Variants in EFCAB8 observed in about 807,000 individuals in gnomAD.
EFCAB8 encodes the protein EF-hand calcium-binding domain-containing protein 8.
A neutral mutation model predicts 116.3 loss-of-function variants in EFCAB8; 100 were observed. The ratio of observed to expected loss-of-function variants is 0.86; its 90% confidence interval spans 0.73 to 1.02. The LOEUF (loss-of-function observed/expected upper bound fraction) is 1.02, where lower values mean the gene tolerates loss of function less well. Ranked by LOEUF, EFCAB8 falls within the 50% of genes least tolerant of loss-of-function variation. The pLI, the probability that EFCAB8 is intolerant of heterozygous loss-of-function variation, is 0.00. For synonymous variants in EFCAB8, 558 were observed against 567.9 expected, an observed-to-expected ratio of 0.98 and a Z score of 0.25; for missense variants, 1,320 against 1,416.9, an observed-to-expected ratio of 0.93 and a Z score of 1.10.
intron 23 of EFCAB8, among the ~76,000 whole-genome samples, chr20:32,944,676 T>C (rs992652591): frequency 2.6e-5 from 4 of 152,154 alleles, no homozygotes; most frequent in Non-Finnish European, 5.9e-5. Flanking sequence ...TCCTCTTGTT[T>C]TTATTTATCT....
intron 15 of EFCAB8, among the ~76,000 whole-genome samples, chr20:32,911,222 CT>C (rs1003572752): frequency 2.0e-5 from 3 of 152,144 alleles, no homozygotes; most frequent in African/African-American, 7.2e-5. Context: ...GGATTATTTT[CT>C]TTGGCTAGAT....
intron 23 of EFCAB8, among the ~76,000 whole-genome samples, chr20:32,945,173 T>A (rs1022102928): frequency 3.3e-5 from 5 of 152,004 alleles, no homozygotes; most frequent in East Asian, 1.9e-4. Flanking sequence ...TATTATTATT[T>A]TTTGAGACAG....
At chr20:32,890,952 AC>A (rs752599817) in intron 7 of EFCAB8, among the ~76,000 whole-genome samples, 17 of 152,216 alleles carry the variant, frequency 1.1e-4, no homozygotes, top group Non-Finnish European at 2.5e-4. Context: ...ATTGTGTGAT[AC>A]AGAGAAAGTG....
Position 32,938,996 on chromosome 20 carries a change from C to T in EFCAB8, c.2791-4640C>T, listed in dbSNP as rs1342726063. Among the ~76,000 whole-genome samples the T allele has an allele frequency of 1.7e-5, 2 of 116,848 alleles. 1 individual carries two copies. The highest frequency in any genetic ancestry group is 3.5e-5 in the Non-Finnish European group (2 of 56,558). 76.7% of individuals were successfully genotyped at this position (116,848 alleles called of 152,430 possible). A position where few individuals can be genotyped will look rare whatever the true frequency, so the allele number is the denominator to read the frequency against. On this transcript the variant is annotated intron_variant, in intron 22 of 26. Transcript: ENST00000400522. ...TTTCTTTTCCTTCCCTTCCTTCCTT[C>T]CTTCCCTCCTTCCCTCCTTCCCTCC...
chr20:32,889,274 C>T lies in EFCAB8; in HGVS notation c.568-27C>T, dbSNP rs1216672833. On this transcript the variant is annotated intron_variant, in intron 6 of 26. Coordinates refer to ENST00000400522, the MANE Select transcript of EFCAB8 (RefSeq NM_001143967.2). ...ACTGGCCTGAGTATGCGTCCCAGCC[C>T]ATCTCCTCTGCTCTTCCTCTGGCCA... The T allele has an allele frequency of 4.7e-5, 72 of 1,548,068 alleles. No homozygotes were observed. In the East Asian group the frequency reaches 1.7e-3, roughly 37 times the overall value.
intron 22 of EFCAB8, among the ~76,000 whole-genome samples, chr20:32,942,518 C>G (rs952050399): frequency 1.3e-4 from 20 of 151,212 alleles, no homozygotes; most frequent in African/African-American, 4.6e-4. Context: ...GAGACCCCAT[C>G]TCTAAAAAAA....
At position 32,930,560 on chromosome 20, in the gene EFCAB8, G is replaced by A. The variant is rs776565918; in HGVS notation, c.2575G>A (p.Ala859Thr). The A allele has an allele frequency of 1.9e-6, 3 of 1,552,346 alleles. No individual in the cohort carries two copies. ...DNGDVVVGAM[A>T]TDKNDWILIT... is the part of the protein sequence containing the mutation. ...TGGGGATGTTGTCGTGGGTGCCATG[G>A]CCACTGATAAAAATGACTGGATCCT... The change falls in exon 21 of 27, where the codon GCC (alanine) becomes ACC (threonine). Residue 859 changes from alanine to threonine, a missense_variant. Transcript: ENST00000400522.
chr20:32,869,521 C>A (rs1600362596), intron 3 of EFCAB8, among the ~76,000 whole-genome samples: 2 of 152,194 alleles, frequency 1.3e-5, no homozygotes, highest in Non-Finnish European at 2.9e-5. Context: ...CAGGCGTGAG[C>A]TGCTGTGCCT....
At chr20:32,860,755 G>A (rs1234256909) in intron 1 of EFCAB8, among the ~76,000 whole-genome samples, 1 of 151,250 alleles carries the variant, frequency 6.6e-6, no homozygotes, top group African/African-American at 2.4e-5. Context: ...TTATTTTTTT[G>A]AGACAAGGTC....
At chr20:32,905,942 C>A (rs1007360748) in intron 11 of EFCAB8, among the ~76,000 whole-genome samples, 1 of 151,940 alleles carries the variant, frequency 6.6e-6, no homozygotes, top group Admixed American at 6.6e-5. Flanking sequence ...TGTCCTAAAC[C>A]CCATAACCCC....
At chr20:32,901,001 C>T (rs753964112) in intron 11 of EFCAB8, among the ~76,000 whole-genome samples, 2 of 152,214 alleles carry the variant, frequency 1.3e-5, no homozygotes, top group East Asian at 1.9e-4. Context: ...CGCGCCCGGC[C>T]GTCCAGTGCC....
At chr20:32,923,935 T>G (rs1987566628) in intron 20 of EFCAB8, among the ~76,000 whole-genome samples, 1 of 152,206 alleles carries the variant, frequency 6.6e-6, no homozygotes, top group African/African-American at 2.4e-5. Flanking sequence ...GATATAAAAC[T>G]CTAGGATTAG....
At chr20:32,900,722 A>G (rs957755206) in intron 11 of EFCAB8, among the ~76,000 whole-genome samples, 4 of 152,010 alleles carry the variant, frequency 2.6e-5, no homozygotes, top group African/African-American at 9.7e-5. Flanking sequence ...GTGCGCCACC[A>G]TGCCCGGTTA....
intron 4 of EFCAB8, 31 bp from the exon 5 acceptor site, chr20:32,878,673 C>G: frequency 6.5e-7 from 1 of 1,534,160 alleles, no homozygotes; most frequent in Non-Finnish European, 8.8e-7. Flanking sequence ...TTGCCAATAC[C>G]CTGCCTCCCT....
At chr20:32,893,758 A>C (rs1023807635) in intron 9 of EFCAB8, among the ~76,000 whole-genome samples, 1 of 152,100 alleles carries the variant, frequency 6.6e-6, no homozygotes, top group African/African-American at 2.4e-5. Context: ...GAGCCTGGGC[A>C]TGGCCTGGCT....
chr20:32,874,007 G>A (rs796278707), intron 3 of EFCAB8, among the ~76,000 whole-genome samples: 6 of 151,810 alleles, frequency 4.0e-5, no homozygotes, highest in African/African-American at 1.2e-4. Flanking sequence ...TGCAACCTCC[G>A]CCTCTCAGGC....
intron 3 of EFCAB8, among the ~76,000 whole-genome samples, chr20:32,868,691 A>G (rs142615410): frequency 1.3e-5 from 2 of 152,090 alleles, no homozygotes; most frequent in Non-Finnish European, 2.9e-5. Context: ...GCTGCAATCA[A>G]GTTGTTGGCT....
intron 11 of EFCAB8, among the ~76,000 whole-genome samples, chr20:32,902,795 G>A (rs1363981814): frequency 6.6e-6 from 1 of 152,228 alleles, no homozygotes; most frequent in Non-Finnish European, 1.5e-5. Flanking sequence ...CCAAGGCAGT[G>A]TGGGCCTGAG....
At chr20:32,960,292 G>A in intron 26 of EFCAB8, 131 bp downstream of exon 26, 1 of 871,190 alleles carries the variant, frequency 1.1e-6, no homozygotes, top group Non-Finnish European at 1.8e-6. Context: ...CCTTTAACAG[G>A]ATTCTGGGCC....
Sources: gnomAD v4.1 joint callset for allele counts (sites outside exome capture counted in the v4.1 genomes callset) on GRCh38, gnomAD v4.1.1 for gene constraint, MANE v1.5 for transcripts, NCBI Gene and HGNC (gene_info 2026-07-23, HGNC 2026-07-21) for gene names.